Variants in SMARCB1 observed in about 807,000 individuals in gnomAD.
The protein encoded by SMARCB1 is SWI/SNF-related matrix-associated actin-dependent regulator of chromatin subfamily B member 1.
SMARCB1 carries 5 observed loss-of-function variants against 49.0 expected under a neutral mutation model. That is an observed-to-expected ratio of 0.10 (90% CI 0.05 to 0.21). SMARCB1 has a LOEUF of 0.21. Ranked by LOEUF, SMARCB1 falls within the 10% of genes least tolerant of loss-of-function variation. SMARCB1 has a pLI of 1.00. For missense variants in SMARCB1, 226 were observed against 509.2 expected (o/e 0.44, Z 5.35); for synonymous variants, 201 against 200.1 (o/e 1.00, Z -0.04).
intron 5 of SMARCB1, 188 bp downstream of exon 5, chr22:23,803,610 G>A: frequency 1.4e-6 from 1 of 728,520 alleles, no homozygotes; most frequent in African/African-American, 1.7e-5. Flanking sequence ...TGTGGATTGG[G>A]CCTGTGAACT....
In SMARCB1 at chr22:23,837,398, G is replaced by A; in HGVS notation, c.*3218G>A. ...AATAGTGGAGGAGTGGGAGCCATGG[G>A]GCAGGAACCCTGACCCTCCCATCCT... On this transcript the variant is annotated 3_prime_UTR_variant, in exon 9 of 9. Coordinates refer to ENST00000644036, the MANE Select transcript of SMARCB1 (RefSeq NM_003073.5). The A allele has an allele frequency of 3.1e-6, 2 of 650,986 alleles. No individual in the cohort carries two copies. Among genetic ancestry groups the A allele is most frequent in the Non-Finnish European group, 5.2e-6 (2 of 382,900 alleles). 40.3% of individuals were successfully genotyped at this position (650,986 alleles called of 1,614,324 possible). A position where few individuals can be genotyped will look rare whatever the true frequency, so the allele number is the denominator to read the frequency against.
chr22:23,793,653 T>C lies in SMARCB1; in HGVS notation c.327T>C (p.Ala109=), dbSNP rs1445015081. Residue 109 remains alanine, a synonymous_variant, in exon 3 of 9, where the codon GCT becomes GCC. Transcript: ENST00000644036. ...ILDGNDEKYK[A]VSISTEPPTY... ...ATGGCAACGATGAGAAGTACAAGGC[T>C]GTGTCCATCAGCACAGAGCCCCCCA... 1 of 1,614,206 alleles carries C rather than the reference T, an allele frequency of 6.2e-7. No individual in the cohort carries two copies. The highest frequency in any genetic ancestry group is 1.7e-5 in the Admixed American group (1 of 60,022).
intron 7 of SMARCB1, among the ~76,000 whole-genome samples, chr22:23,827,353 T>C (rs1341231632): frequency 6.6e-6 from 1 of 152,160 alleles, no homozygotes; most frequent in Non-Finnish European, 1.5e-5. Context: ...GCACCATCCC[T>C]CCTGCTCTGA....
At chr22:23,798,637 AAGAGTTAAAGGGCCC>A (rs1928923366) in intron 3 of SMARCB1, among the ~76,000 whole-genome samples, 1 of 152,094 alleles carries the variant, frequency 6.6e-6, no homozygotes, top group African/African-American at 2.4e-5. Flanking sequence ...TAGAAGGGAA[AAGAGTTAAAGGGCCC>A]AGAGTCCAGG....
intron 6 of SMARCB1, among the ~76,000 whole-genome samples, chr22:23,822,644 G>A (rs572297291): frequency 1.6e-4 from 25 of 152,224 alleles, no homozygotes; most frequent in African/African-American, 6.0e-4. Context: ...ACAGTCCCTC[G>A]CCACCCTCAT....
rs536823679 is a variant in SMARCB1 at position 23,834,705 on chromosome 22, C to G, written c.*525C>G. The G allele has an allele frequency of 2.2e-6, 3 of 1,352,734 alleles. No individual in the cohort carries two copies. Among genetic ancestry groups the G allele is most frequent in the Non-Finnish European group, 3.0e-6 (3 of 1,009,904 alleles). The allele number at this position is 1,352,734 out of a possible 1,614,324, so 83.8% of individuals were successfully genotyped here. ...CTCCGGGTAGCACCTCAGCTCCTCTCAGCTCCCCTCAGCCTGTTCTCCTTC... is the reference window on the plus strand; with the variant it reads ...CTCCGGGTAGCACCTCAGCTCCTCTGAGCTCCCCTCAGCCTGTTCTCCTTC... On this transcript the variant is annotated 3_prime_UTR_variant, in exon 9 of 9. Transcript: ENST00000644036.
At chr22:23,808,698 CT>C (rs533109746) in intron 5 of SMARCB1, among the ~76,000 whole-genome samples, 15,513 of 140,488 alleles carry the variant, frequency 0.11, 731 homozygotes, top group South Asian at 0.16. Flanking sequence ...ATTGGACATT[CT>C]TTTTTTTTTT....
intron 5 of SMARCB1, among the ~76,000 whole-genome samples, chr22:23,813,904 A>G (rs1482457540): frequency 1.3e-5 from 2 of 152,080 alleles, no homozygotes; most frequent in Non-Finnish European, 2.9e-5. Flanking sequence ...ATCTCTGCTC[A>G]CTGTAACCTC....
At chr22:23,817,959 A>C (rs1288599815) in intron 6 of SMARCB1, 1 of 151,438 alleles carries the variant, frequency 6.6e-6, no homozygotes, top group Non-Finnish European at 1.5e-5. Flanking sequence ...CTGAGTAGCT[A>C]GGATTACAGT....
chr22:23,798,120 G>A (rs904077195), intron 3 of SMARCB1, among the ~76,000 whole-genome samples: 3 of 152,214 alleles, frequency 2.0e-5, no homozygotes, highest in African/African-American at 7.2e-5. Flanking sequence ...CAGAAAAGAG[G>A]AGGTGGTCAA....
At position 23,787,190 on chromosome 22, in the gene SMARCB1, C is replaced by G. The variant is rs771334931; in HGVS notation, c.21C>G (p.Ser7Arg). 3.7e-6 allele frequency: 6 copies of G among 1,608,574 alleles called. No homozygotes were observed. The highest frequency in any genetic ancestry group is 5.1e-6 in the Non-Finnish European group (6 of 1,176,990). MMMMAL[S>R]KTFGQKPVKF... Reference sequence around the variant, plus strand: ...CCGCAATGATGATGATGGCGCTGAGCAAGACCTTCGGGCAGAAGCCCGTGA... The same window carrying G: ...CCGCAATGATGATGATGGCGCTGAGGAAGACCTTCGGGCAGAAGCCCGTGA... The change falls in exon 1 of 9, where the codon AGC becomes AGG. Residue 7 changes from serine to arginine, a missense_variant. Coordinates refer to ENST00000644036, the MANE Select transcript of SMARCB1 (RefSeq NM_003073.5).
chr22:23,825,556 C>T lies in SMARCB1; in HGVS notation c.986+141C>T, dbSNP rs35702954. On this transcript the variant is annotated intron_variant, in intron 7 of 8. Coordinates refer to ENST00000644036, the MANE Select transcript of SMARCB1 (RefSeq NM_003073.5). ...CTGGCTGGGGTCTGTGTGTTTGCTC[C>T]GTCCTCCTCCTGCCCTATGTATCTC... 8.9e-3 allele frequency: 6,408 copies of T among 721,060 alleles called. 217 individuals are homozygous for T. The highest frequency in any genetic ancestry group is 0.074 in the South Asian group (4,183 of 56,890). 44.7% of individuals were successfully genotyped at this position (721,060 alleles called of 1,614,324 possible). A position where few individuals can be genotyped will look rare whatever the true frequency, so the allele number is the denominator to read the frequency against.
intron 5 of SMARCB1, among the ~76,000 whole-genome samples, chr22:23,808,567 G>T (rs964286733): frequency 6.6e-6 from 1 of 151,922 alleles, no homozygotes; most frequent in East Asian, 1.9e-4. Context: ...AATGATGGTA[G>T]ATTTCTCATG....
rs900023752 is a variant in SMARCB1 at position 23,833,986 on chromosome 22, C to A, written c.1119-155C>A. Among the ~76,000 whole-genome samples, 6 of 152,192 alleles carry A rather than the reference C, an allele frequency of 3.9e-5. No individual in the cohort carries two copies. The South Asian group carries it at 1.0e-3, about 26-fold the overall frequency. ...GAGCAGGGCCTGAGTGGCAGACAGG[C>A]GAGGCTGAGAGAAGGCTGGGTCTGA... On this transcript the variant is annotated intron_variant, in intron 8 of 8. Coordinates refer to ENST00000644036, the MANE Select transcript of SMARCB1 (RefSeq NM_003073.5).
chr22:23,797,648 C>T (rs866249973), intron 3 of SMARCB1, among the ~76,000 whole-genome samples: 164 of 94,134 alleles, frequency 1.7e-3, no homozygotes, highest in African/African-American at 6.4e-3. Context: ...GATCGAGTTT[C>T]GCTCTGTCAC....
rs190006906 is a variant in SMARCB1 at position 23,828,081 on chromosome 22, C to T, written c.986+2666C>T. Among the ~76,000 whole-genome samples the T allele has an allele frequency of 5.3e-5, 8 of 152,246 alleles. 1 individual carries two copies. The East Asian group carries it at 1.6e-3, about 30-fold the overall frequency. The stretch of plus-strand genomic sequence containing the variant: ...TTTTTGTTTTGTTTTGAGATGGGGT[C>T]TCGCTCTGTCGCCCAGGCTGGAGTG... On this transcript the variant is annotated intron_variant, in intron 7 of 8. Transcript: ENST00000644036.
intron 3 of SMARCB1, among the ~76,000 whole-genome samples, chr22:23,800,569 C>T (rs1378703971): frequency 1.3e-5 from 2 of 152,176 alleles, no homozygotes; most frequent in Non-Finnish European, 2.9e-5. Flanking sequence ...CTGCCCGTGC[C>T]CCTCCCCGCA....
chr22:23,814,408 G>A (rs1260764442), intron 5 of SMARCB1, among the ~76,000 whole-genome samples: 1 of 152,250 alleles, frequency 6.6e-6, no homozygotes, highest in African/African-American at 2.4e-5. Flanking sequence ...GCTTACGTCT[G>A]TAATCCTAGC....
chr22:23,817,766 A>C (rs1438552701), intron 6 of SMARCB1: 3 of 152,170 alleles, frequency 2.0e-5, no homozygotes, highest in African/African-American at 7.2e-5. Flanking sequence ...AGATTTTGGA[A>C]AATAACGTGG....
Sources: gnomAD v4.1 joint callset for allele counts (sites outside exome capture counted in the v4.1 genomes callset) on GRCh38, gnomAD v4.1.1 for gene constraint, MANE v1.5 for transcripts, NCBI Gene and HGNC (gene_info 2026-07-23, HGNC 2026-07-21) for gene names.